Variants in KIRREL3 observed in about 807,000 individuals in gnomAD.
KIRREL3 encodes the protein kin of IRRE-like protein 3.
In KIRREL3, 36 loss-of-function variants were observed where a neutral mutation model predicts 89.7. The observed-to-expected ratio is 0.40, with a 90% CI of 0.31 to 0.53. The LOEUF is 0.53. Among genes scored for constraint, KIRREL3 ranks in the 20% least tolerant of loss-of-function variants. The pLI is 0.49. For missense variants in KIRREL3, 864 were observed against 1,056.6 expected (o/e 0.82, Z 2.53); for synonymous variants, 445 against 441.4 (o/e 1.01, Z -0.10).
chr11:126,478,395 T>C (rs1957124559), intron 4 of KIRREL3, among the ~76,000 whole-genome samples: 1 of 152,190 alleles, frequency 6.6e-6, no homozygotes, highest in Admixed American at 6.5e-5. Flanking sequence ...TAAAGAAATA[T>C]TTGTTGAATA....
At chr11:126,915,879 T>C (rs1037989479) in intron 1 of KIRREL3, among the ~76,000 whole-genome samples, 1 of 152,142 alleles carries the variant, frequency 6.6e-6, no homozygotes, top group Non-Finnish European at 1.5e-5. Context: ...CACATAACCA[T>C]TTGCAAATGT....
chr11:126,921,932 G>T (rs761905557), intron 1 of KIRREL3, among the ~76,000 whole-genome samples: 5 of 141,348 alleles, frequency 3.5e-5, no homozygotes, highest in Middle Eastern at 4.5e-3. Context: ...CTATCCATCC[G>T]CCTTCCTGTC....
Position 126,473,394 on chromosome 11 carries a change from G to A in KIRREL3, c.506C>T (p.Thr169Ile), listed in dbSNP as rs369744938. ...AGGCTTGGCATTGTCTGCGTGGCAG[G>A]TGAGGTTGAGAGGGTCCCCCGCACG... is the stretch of plus-strand genomic sequence containing the variant. ...SLRAGDPLNL[T>I]CHADNAKPAA... Residue 169 changes from threonine to isoleucine, a missense_variant, in exon 5 of 17, where the codon ACC (threonine) becomes ATC (isoleucine). Physicochemically the swap from Thr to Ile is moderately conservative, Grantham distance 89. Coordinates refer to ENST00000525144, the MANE Select transcript of KIRREL3 (RefSeq NM_032531.4). 5 of 1,590,900 alleles carry A rather than the reference G, an allele frequency of 3.1e-6. No homozygotes were observed. The highest frequency in any genetic ancestry group is 4.3e-6 in the Non-Finnish European group (5 of 1,168,928).
At chr11:126,839,547 C>T (rs576345615) in intron 1 of KIRREL3, among the ~76,000 whole-genome samples, 1 of 152,122 alleles carries the variant, frequency 6.6e-6, no homozygotes, top group Admixed American at 6.5e-5. Flanking sequence ...CGCATTGGTT[C>T]CAGAAAGCTG....
chr11:126,789,287 C>T (rs1257517873), intron 1 of KIRREL3, among the ~76,000 whole-genome samples: 1 of 152,152 alleles, frequency 6.6e-6, no homozygotes, highest in Non-Finnish European at 1.5e-5. Context: ...ATCTCCTTCG[C>T]CTTCTCAAGG....
Position 126,912,709 on chromosome 11 carries a change from T to C in KIRREL3, c.55+87746A>G, listed in dbSNP as rs538113121. Reference sequence around the variant, plus strand: ...ATGTTTCTGGGGTCTTTGTTTCAAATGTGAGGCACAACAGAGCATCCTGCT... The same window carrying C: ...ATGTTTCTGGGGTCTTTGTTTCAAACGTGAGGCACAACAGAGCATCCTGCT... On this transcript the variant is annotated intron_variant, in intron 1 of 16. Coordinates refer to ENST00000525144, the MANE Select transcript of KIRREL3 (RefSeq NM_032531.4). This position sits in a 1 kb window ranked among gnomAD's most constrained non-coding sequence, Gnocchi z 4.7. Among the ~76,000 whole-genome samples the C allele has an allele frequency of 1.8e-4, 27 of 152,348 alleles. No individual in the cohort carries two copies. Among genetic ancestry groups the C allele is most frequent in the Admixed American group, 1.3e-3 (20 of 15,304 alleles).
intron 4 of KIRREL3, among the ~76,000 whole-genome samples, chr11:126,514,813 C>CCAACACAACACAACACAACA (rs61108090): frequency 4.8e-5 from 7 of 145,666 alleles, no homozygotes; most frequent in Non-Finnish European, 7.5e-5. Flanking sequence ...CATTGCCTCT[C>CCAACACAACACAACACAACA]CAACACAACA....
chr11:126,644,613 A>C (rs73629138), intron 1 of KIRREL3, among the ~76,000 whole-genome samples: 3 of 152,170 alleles, frequency 2.0e-5, no homozygotes, highest in African/African-American at 7.2e-5. Context: ...TCCTAGAGGA[A>C]GATGGAGTCA....
At chr11:126,426,523 T>C (rs967018182) in intron 15 of KIRREL3, among the ~76,000 whole-genome samples, 4 of 152,210 alleles carry the variant, frequency 2.6e-5, no homozygotes, top group Non-Finnish European at 1.5e-5. Flanking sequence ...ATATGTTGAA[T>C]GAATAGGCAA....
In KIRREL3 at chr11:126,620,369, C is replaced by T. The variant is rs1943528161; in HGVS notation, c.56-57457G>A. 6.6e-6 allele frequency among the ~76,000 whole-genome samples: 1 copy of T among 152,214 alleles called. No individual in the cohort carries two copies. The highest frequency in any genetic ancestry group is 1.5e-5 in the Non-Finnish European group (1 of 68,036). On this transcript the variant is annotated intron_variant, in intron 1 of 16. Transcript: ENST00000525144. The surrounding 1 kb of genome is among the most constrained non-coding windows in gnomAD (Gnocchi z 4.8). ...CATGTGGCATCCAGTACCAAACACTCTTTCACCAGCCCAGGATTCTGAGGG... is the reference window on the plus strand; with the variant it reads ...CATGTGGCATCCAGTACCAAACACTTTTTCACCAGCCCAGGATTCTGAGGG...
At chr11:126,941,709 G>A (rs960544521) in intron 1 of KIRREL3, among the ~76,000 whole-genome samples, 2 of 152,172 alleles carry the variant, frequency 1.3e-5, no homozygotes, top group African/African-American at 4.8e-5. Context: ...TGCAACTCTC[G>A]CAGTCTTCCC....
At chr11:126,864,693 G>A (rs1944861397) in intron 1 of KIRREL3, among the ~76,000 whole-genome samples, 1 of 152,172 alleles carries the variant, frequency 6.6e-6, no homozygotes, top group Non-Finnish European at 1.5e-5. Context: ...ATCTCTCACT[G>A]TAAACCCACA....
At chr11:126,974,464 TGGTATA>T (rs1949513544) in intron 1 of KIRREL3, among the ~76,000 whole-genome samples, 1 of 148,878 alleles carries the variant, frequency 6.7e-6, no homozygotes, top group Non-Finnish European at 1.5e-5. Context: ...CTAGGCTACA[TGGTATA>T]GCCCGTTACA....
In KIRREL3 at chr11:126,900,049, A is replaced by G. The variant is rs1425699822; in HGVS notation, c.55+100406T>C. Among the ~76,000 whole-genome samples, 3 of 152,192 alleles carry G rather than the reference A, an allele frequency of 2.0e-5. No individual in the cohort carries two copies. Among genetic ancestry groups the G allele is most frequent in the Non-Finnish European group, 4.4e-5 (3 of 68,016 alleles). On this transcript the variant is annotated intron_variant, in intron 1 of 16. Transcript: ENST00000525144. This position sits in a 1 kb window ranked among gnomAD's most constrained non-coding sequence, Gnocchi z 4.4. ...AATTGCATGGCAGTGGTTGTTTTGTAAAAGGAATAGCTAGCTGGTGGGTCA... is the reference window on the plus strand; with the variant it reads ...AATTGCATGGCAGTGGTTGTTTTGTGAAAGGAATAGCTAGCTGGTGGGTCA...
chr11:126,459,082 C>T lies in KIRREL3; in HGVS notation c.743-2628G>A, dbSNP rs1030951120. On this transcript the variant is annotated intron_variant, in intron 6 of 16. Transcript: ENST00000525144. The surrounding 1 kb of genome is among the most constrained non-coding windows in gnomAD (Gnocchi z 4.8). ...CTTGGGAATCGCCACCGGATCCAAA[C>T]GCATTGCTGGCCCGTGCCCTCGCAT... Among the ~76,000 whole-genome samples the T allele has an allele frequency of 3.3e-5, 5 of 152,206 alleles. No homozygotes were observed. The highest frequency in any genetic ancestry group is 1.9e-4 in the East Asian group (1 of 5,180).
rs576534043 is a variant in KIRREL3 at position 126,608,449 on chromosome 11, C to A, written c.56-45537G>T. On this transcript the variant is annotated intron_variant, in intron 1 of 16. Transcript: ENST00000525144. This position sits in a 1 kb window ranked among gnomAD's most constrained non-coding sequence, Gnocchi z 4.9. The stretch of plus-strand genomic sequence containing the variant: ...AACCTTGCTTTTCCACCAGGTTTAG[C>A]CCCTGGTGCCCTTCCTCTGTCTGTG... Among the ~76,000 whole-genome samples, 1 of 149,090 alleles carries A rather than the reference C, an allele frequency of 6.7e-6. No homozygotes were observed. Among genetic ancestry groups the A allele is most frequent in the East Asian group, 1.9e-4 (1 of 5,176 alleles).
rs1208442535 is a variant in KIRREL3 at position 126,987,992 on chromosome 11, C to T, written c.55+12463G>A. Among the ~76,000 whole-genome samples the T allele has an allele frequency of 6.6e-6, 1 of 152,030 alleles. No homozygotes were observed. Among genetic ancestry groups the T allele is most frequent in the Non-Finnish European group, 1.5e-5 (1 of 68,006 alleles). On this transcript the variant is annotated intron_variant, in intron 1 of 16. Coordinates refer to ENST00000525144, the MANE Select transcript of KIRREL3 (RefSeq NM_032531.4). This position sits in a 1 kb window ranked among gnomAD's most constrained non-coding sequence, Gnocchi z 4.6. ...ACATTCTAAGAGTCTTTTTATTTCC[C>T]CCTAATAACCATTATTAATCATTTC...
intron 1 of KIRREL3, among the ~76,000 whole-genome samples, chr11:126,775,629 C>T (rs191162038): frequency 2.0e-5 from 3 of 152,246 alleles, no homozygotes; most frequent in East Asian, 3.9e-4. Flanking sequence ...TTAGCATTCC[C>T]GGTGCATAGT....
chr11:126,899,198 G>T (rs1266775310), intron 1 of KIRREL3, among the ~76,000 whole-genome samples: 1 of 152,060 alleles, frequency 6.6e-6, no homozygotes, highest in African/African-American at 2.4e-5. Flanking sequence ...TCTCATTTGG[G>T]GAGTGCATTG....
Sources: gnomAD v4.1 joint callset for allele counts (sites outside exome capture counted in the v4.1 genomes callset) on GRCh38, gnomAD v4.1.1 for gene constraint, Gnocchi (gnomAD v3.1) non-coding constraint, MANE v1.5 for transcripts, NCBI Gene and HGNC (gene_info 2026-07-23, HGNC 2026-07-21) for gene names.